The following RELN variants were observed in gnomAD, a reference collection of about 807,000 sequenced individuals.
RELN encodes reelin.
Under a neutral mutation model 427.6 loss-of-function variants are expected in RELN, and 108 were observed. That is an observed-to-expected ratio of 0.25 (90% CI 0.22 to 0.30). The LOEUF (loss-of-function observed/expected upper bound fraction) is 0.30. Among genes scored for constraint, RELN ranks in the 10% least tolerant of loss-of-function variants. The pLI is 1.00. For synonymous variants in RELN, 1,524 were observed against 1,513.4 expected (o/e 1.01, Z -0.16); for missense variants, 3,715 against 4,302.8 (o/e 0.86, Z 3.82).
At chr7:103,548,395 A>G (rs978070759) in intron 41 of RELN, among the ~76,000 whole-genome samples, 5 of 152,230 alleles carry the variant, frequency 3.3e-5, no homozygotes, top group Non-Finnish European at 7.3e-5. Flanking sequence ...TTGAATACCA[A>G]CCAAGGGATG....
At chr7:103,730,524 G>C (rs529875110) in intron 6 of RELN, among the ~76,000 whole-genome samples, 5 of 151,694 alleles carry the variant, frequency 3.3e-5, no homozygotes, top group Non-Finnish European at 2.9e-5. Flanking sequence ...AAAGAAAACA[G>C]ATAAAGCTAT....
intron 11 of RELN, among the ~76,000 whole-genome samples, chr7:103,665,086 G>A (rs1312673835): frequency 2.0e-5 from 3 of 152,014 alleles, no homozygotes; most frequent in African/African-American, 7.2e-5. Flanking sequence ...ACATTTAGGT[G>A]GTTTTAATGA....
rs2116860998 is a variant in RELN, at chr7:103,989,379, C to CCGCCGA, written c.-24_-23insTCGGCG. The CCGCCGA allele has an allele frequency of 6.9e-7, 1 of 1,439,016 alleles. No individual in the cohort carries two copies. The highest frequency in any genetic ancestry group is 9.0e-7 in the Non-Finnish European group (1 of 1,105,264). 89.1% of individuals were successfully genotyped at this position (1,439,016 alleles called of 1,614,324 possible). On this transcript the variant is annotated 5_prime_UTR_variant, in exon 1 of 65. Coordinates refer to ENST00000428762, the MANE Select transcript of RELN (RefSeq NM_005045.4). The surrounding 1 kb of genome is among the most constrained non-coding windows in gnomAD (Gnocchi z 4.9). ...CATGCCGCCGCCGCCGCCGCCGCCG[C>CCGCCGA]CGCGCGCCCTACGCGCCGCTCGCTC...
Position 103,570,656 on chromosome 7 carries a change from G to A in RELN, c.4588+1528C>T, listed in dbSNP as rs138241701. On this transcript the variant is annotated intron_variant, in intron 31 of 64. Transcript: ENST00000428762. ...ACTCTCTAGCACATGGTAGGTTTACGCTTCTTTTCCCTTCACCACACTTTC... is the reference window on the plus strand; with the variant it reads ...ACTCTCTAGCACATGGTAGGTTTACACTTCTTTTCCCTTCACCACACTTTC... Among the ~76,000 whole-genome samples the A allele has an allele frequency of 6.7e-4, 102 of 152,290 alleles. 2 individuals carry two copies. In the East Asian group the frequency reaches 0.018, roughly 27 times the overall value.
intron 4 of RELN, among the ~76,000 whole-genome samples, chr7:103,757,118 C>T (rs1791179314): frequency 1.3e-5 from 2 of 152,018 alleles, no homozygotes; most frequent in African/African-American, 2.4e-5. Flanking sequence ...TAGTATACTC[C>T]CATTTGGATA....
chr7:103,539,469 G>T, intron 44 of RELN, 142 bp from the exon 45 acceptor site: 1 of 775,138 alleles, frequency 1.3e-6, no homozygotes. Context: ...AGAATGTGAG[G>T]GGCCTTTCAG....
chr7:103,950,533 GCATGTGCCCA>G, intron 1 of RELN, among the ~76,000 whole-genome samples: 1 of 152,206 alleles, frequency 6.6e-6, no homozygotes, highest in East Asian at 1.9e-4. Context: ...TGGTTCCTCA[GCATGTGCCCA>G]TATTTATGCA....
intron 57 of RELN, among the ~76,000 whole-genome samples, chr7:103,492,583 CTATT>C (rs1326683275): frequency 6.6e-6 from 1 of 152,092 alleles, no homozygotes; most frequent in Non-Finnish European, 1.5e-5. Flanking sequence ...TCCTAATCAT[CTATT>C]TAATCATGTC....
chr7:103,674,228 C>T (rs923403318), intron 11 of RELN, among the ~76,000 whole-genome samples: 5 of 152,110 alleles, frequency 3.3e-5, no homozygotes, highest in South Asian at 2.1e-4. Flanking sequence ...TTCCATTTCT[C>T]GCATCTCTAA....
chr7:103,659,944 G>A (rs1325710884), intron 12 of RELN, among the ~76,000 whole-genome samples: 1 of 151,954 alleles, frequency 6.6e-6, no homozygotes, highest in Non-Finnish European at 1.5e-5. Flanking sequence ...GCTTTTACTT[G>A]GGATAATGTA....
chr7:103,518,505 G>GTTTTTTTTTTTTTTTTTTTTTTTTT lies in RELN; in HGVS notation c.7862+817_7862+818insAAAAAAAAAAAAAAAAAAAAAAAAA, dbSNP rs58239018. On this transcript the variant is annotated intron_variant, in intron 49 of 64. Coordinates refer to ENST00000428762, the MANE Select transcript of RELN (RefSeq NM_005045.4). ...ATGCCACCACACCCAGGTAATTTAA[G>GTTTTTTTTTTTTTTTTTTTTTTTTT]TTTTTTTTTTTTTTGGTAAAATGTC... Among the ~76,000 whole-genome samples, 5 of 114,356 alleles carry GTTTTTTTTTTTTTTTTTTTTTTTTT rather than the reference G, an allele frequency of 4.4e-5. 1 individual carries two copies. The highest frequency in any genetic ancestry group is 1.4e-4 in the African/African-American group (3 of 21,836). The allele number at this position is 114,356 out of a possible 152,430, so 75.0% of individuals were successfully genotyped here. A position where few individuals can be genotyped will look rare whatever the true frequency, so the allele number is the denominator to read the frequency against.
At chr7:103,521,201 G>T (rs1411494459) in intron 48 of RELN, among the ~76,000 whole-genome samples, 1 of 149,154 alleles carries the variant, frequency 6.7e-6, no homozygotes, top group African/African-American at 2.5e-5. Context: ...GGATGGTCTC[G>T]ATCTCCTGAC....
intron 1 of RELN, among the ~76,000 whole-genome samples, chr7:103,972,894 A>G (rs897625253): frequency 3.4e-4 from 51 of 149,272 alleles, no homozygotes; most frequent in South Asian, 2.8e-3. Flanking sequence ...GCATATGATT[A>G]TGTGTGTGTG....
chr7:103,491,862 A>ACT (rs1828679695), intron 58 of RELN, 91 bp downstream of exon 58: 1 of 434,188 alleles, frequency 2.3e-6, no homozygotes, highest in East Asian at 5.7e-5. Context: ...TCTCTCACAC[A>ACT]CACACACACA....
Position 103,545,310 on chromosome 7 carries a change from G to A in RELN, c.6337C>T (p.Pro2113Ser). The A allele has an allele frequency of 6.2e-7, 1 of 1,613,946 alleles. No homozygotes were observed. The highest frequency in any genetic ancestry group is 8.5e-7 in the Non-Finnish European group (1 of 1,179,888). The stretch of plus-strand genomic sequence containing the variant: ...CATGTCACTGGCTGAGAGCCGGCAG[G>A]GTAAAATCCCTGGTACCATCTGAAA... ...VRFRWYQGFY[P>S]AGSQPVTWAI... is the part of the protein sequence containing the mutation. The change falls in exon 42 of 65, where the codon CCT (proline) becomes TCT (serine). Residue 2113 changes from proline to serine, a missense_variant. Physicochemically the swap from Pro to Ser is moderately conservative, Grantham distance 74. Around this residue, in one of 4 missense-constraint regions of RELN, gnomAD observed 1,310 missense variants for 1,643.0 expected, o/e 0.80. Coordinates refer to ENST00000428762, the MANE Select transcript of RELN (RefSeq NM_005045.4).
chr7:103,970,024 A>C (rs573661641), intron 1 of RELN, among the ~76,000 whole-genome samples: 3 of 152,288 alleles, frequency 2.0e-5, no homozygotes, highest in Admixed American at 2.0e-4. Context: ...AGACATGTAC[A>C]TGCAGAGTGG....
chr7:103,782,010 C>T (rs1455156531), intron 3 of RELN, among the ~76,000 whole-genome samples: 2 of 152,010 alleles, frequency 1.3e-5, no homozygotes, highest in Non-Finnish European at 2.9e-5. Context: ...TTCTTAAACA[C>T]GTTTCTAATA....
rs1345826603 is a variant in RELN, at chr7:103,917,170, C to T, written c.242G>A (p.Ser81Asn). The change falls in exon 2 of 65, where the codon AGC (serine) becomes AAC (asparagine). Residue 81 changes from serine (S) to asparagine (N), a missense_variant. Ser to Asn is a conservative substitution (Grantham distance 46). Around this residue, in one of 4 missense-constraint regions of RELN, gnomAD observed 2,208 missense variants for 2,361.7 expected, o/e 0.93. Coordinates refer to ENST00000428762, the MANE Select transcript of RELN (RefSeq NM_005045.4). ...GQEYHVTIST[S>N]TFFDGLLVTG... is the part of the protein sequence containing the mutation. ...CACCAGCAAGCCGTCAAAAAAGGTG[C>T]TTGTTGAAATTGTCACTGAAATGTA... The T allele has an allele frequency of 1.2e-6, 2 of 1,613,018 alleles. No homozygotes were observed. The highest frequency in any genetic ancestry group is 2.2e-5 in the East Asian group (1 of 44,856).
chr7:103,920,488 C>T (rs912622260), intron 1 of RELN, among the ~76,000 whole-genome samples: 16 of 151,078 alleles, frequency 1.1e-4, no homozygotes, highest in Admixed American at 4.6e-4. Flanking sequence ...AATTCACTTT[C>T]AAATTAGCAT....
Sources: gnomAD v4.1 joint callset for allele counts (sites outside exome capture counted in the v4.1 genomes callset) on GRCh38, gnomAD v4.1.1 for gene constraint, gnomAD v4.1.1 regional missense constraint, Gnocchi (gnomAD v3.1) non-coding constraint, MANE v1.5 for transcripts, NCBI Gene and HGNC (gene_info 2026-07-23, HGNC 2026-07-21) for gene names.